Variants in DHRSX observed in about 807,000 individuals in gnomAD.
DHRSX encodes the protein dehydrogenase/reductase X-linked, also known as polyprenol dehydrogenase.
A neutral mutation model predicts 34.0 loss-of-function variants in DHRSX; 31 were observed. That is an observed-to-expected ratio of 0.91 (90% CI 0.69 to 1.23). The LOEUF (loss-of-function observed/expected upper bound fraction) is 1.23, where lower values mean the gene tolerates loss of function less well. Among genes scored for constraint, DHRSX ranks in the 50% most tolerant of loss-of-function variants. The pLI, the probability that DHRSX is intolerant of heterozygous loss-of-function variation, is 0.00. For synonymous variants in DHRSX, 201 were observed against 183.8 expected, an observed-to-expected ratio of 1.09 and a Z score of -0.76; for missense variants, 414 against 428.1, an observed-to-expected ratio of 0.97 and a Z score of 0.29.
chrX:2,349,811 G>T (rs745335376), intron 3 of DHRSX, among the ~76,000 whole-genome samples: 1 of 147,894 alleles, frequency 6.8e-6, no homozygotes, highest in Non-Finnish European at 1.5e-5. Flanking sequence ...GGAGGCCGAG[G>T]CGGGCGGATC....
At chrX:2,362,733 TTTTATCACCGTTCTATGGTATCATGCCG>T (rs1462194161) in intron 3 of DHRSX, among the ~76,000 whole-genome samples, 12 of 151,972 alleles carry the variant, frequency 7.9e-5, no homozygotes, top group Non-Finnish European at 1.5e-5. Context: ...CATGCCGCCA[TTTTATCACCGTTCTATGGTATCATGCCG>T]CCATTTTATC....
chrX:2,488,146 G>T (rs766969257), intron 1 of DHRSX: 92 of 153,956 alleles, frequency 6.0e-4, no homozygotes, highest in Middle Eastern at 6.7e-3. Context: ...CGGGAATAGG[G>T]GAGGAAAGGA....
At chrX:2,361,842 A>G (rs1278436616) in intron 3 of DHRSX, among the ~76,000 whole-genome samples, 2 of 152,214 alleles carry the variant, frequency 1.3e-5, no homozygotes, top group Non-Finnish European at 2.9e-5. Flanking sequence ...CAAATATCTA[A>G]TGAACATGCT....
chrX:2,314,906 T>C (rs1391449661), intron 3 of DHRSX, among the ~76,000 whole-genome samples: 1 of 152,008 alleles, frequency 6.6e-6, no homozygotes, highest in Non-Finnish European at 1.5e-5. Context: ...GCCTGCAATC[T>C]CAGCACCTTG....
At chrX:2,456,431 T>G (rs1695318427) in intron 1 of DHRSX, among the ~76,000 whole-genome samples, 2 of 151,792 alleles carry the variant, frequency 1.3e-5, no homozygotes, top group Admixed American at 1.3e-4. Flanking sequence ...CTGGCCAACA[T>G]GATGAAACCC....
chrX:2,304,315 G>GGATGGATGGATGGATGGATGGATGAACT (rs2124509732), intron 3 of DHRSX, among the ~76,000 whole-genome samples: 1 of 130,284 alleles, frequency 7.7e-6, no homozygotes, highest in African/African-American at 3.4e-5. Context: ...ATGGATGAAT[G>GGATGGATGGATGGATGGATGGATGAACT]GATGGATGGA....
At chrX:2,368,949 TAAATA>T (rs1247917174) in intron 3 of DHRSX, among the ~76,000 whole-genome samples, 1 of 152,054 alleles carries the variant, frequency 6.6e-6, no homozygotes, top group Non-Finnish European at 1.5e-5. Context: ...CTCAAATAAA[TAAATA>T]AAAGTAAATA....
At chrX:2,342,772 A>G (rs2042657000) in intron 3 of DHRSX, among the ~76,000 whole-genome samples, 1 of 151,736 alleles carries the variant, frequency 6.6e-6, no homozygotes, top group African/African-American at 2.4e-5. Context: ...TCCCGCCCCA[A>G]CCTCTCTAAT....
At chrX:2,223,123 T>C (rs1225874100) in intron 6 of DHRSX, among the ~76,000 whole-genome samples, 1 of 152,096 alleles carries the variant, frequency 6.6e-6, no homozygotes, top group African/African-American at 2.4e-5. Context: ...TTTGGCTGTG[T>C]CCCCACCCAA....
chrX:2,451,147 C>A (rs1479843129), intron 1 of DHRSX, among the ~76,000 whole-genome samples: 1 of 151,690 alleles, frequency 6.6e-6, no homozygotes, highest in Non-Finnish European at 1.5e-5. Context: ...GCAGGAGAAT[C>A]GCTTGAACCC....
At chrX:2,434,000 G>C (rs759652043) in intron 1 of DHRSX, among the ~76,000 whole-genome samples, 1 of 151,854 alleles carries the variant, frequency 6.6e-6, no homozygotes, top group Non-Finnish European at 1.5e-5. Context: ...GGATGGTCTC[G>C]ATCTCCTGAT....
At chrX:2,489,390 G>A in intron 1 of DHRSX, 1 of 1,613,970 alleles carries the variant, frequency 6.2e-7, no homozygotes, top group Non-Finnish European at 8.5e-7. Context: ...GCCATGCTGA[G>A]CTCCTTGGAG....
chrX:2,459,717 T>A (rs186685626), intron 1 of DHRSX, among the ~76,000 whole-genome samples: 1 of 152,146 alleles, frequency 6.6e-6, no homozygotes, highest in East Asian at 1.9e-4. Context: ...TATGACATAT[T>A]TAACGGTGTC....
intron 4 of DHRSX, among the ~76,000 whole-genome samples, chrX:2,276,733 C>CAG (rs113463536): frequency 0.025 from 3,610 of 146,404 alleles, 59 homozygotes; most frequent in South Asian, 0.044. Flanking sequence ...AAAGGGCAAT[C>CAG]AGAGAGAGAG....
In DHRSX at chrX:2,336,604, G is replaced by GTT. The variant is rs111267342; in HGVS notation, c.287-45003_287-45002dup. On this transcript the variant is annotated intron_variant, in intron 3 of 6. Transcript: ENST00000334651. ...TTCACGGTATTTTGTTTTTTGTTTT[G>GTT]TTTTTTTTTTTTGAGACGGAGTTTT... 1.8e-3 allele frequency among the ~76,000 whole-genome samples: 259 copies of GTT among 143,408 alleles called. 1 individual carries two copies. The highest frequency in any genetic ancestry group is 5.2e-3 in the African/African-American group (206 of 39,392). The allele number at this position is 143,408 out of a possible 152,430, so 94.1% of individuals were successfully genotyped here. A position where few individuals can be genotyped will look rare whatever the true frequency, so the allele number is the denominator to read the frequency against.
chrX:2,411,501 A>G (rs921781170), intron 2 of DHRSX, among the ~76,000 whole-genome samples: 9 of 149,108 alleles, frequency 6.0e-5, no homozygotes, highest in Non-Finnish European at 1.2e-4. Flanking sequence ...GTTGCCATGA[A>G]CTGAGATCAC....
chrX:2,468,564 C>T (rs866857466), intron 1 of DHRSX, among the ~76,000 whole-genome samples: 11 of 130,048 alleles, frequency 8.5e-5, no homozygotes, highest in African/African-American at 2.7e-4. Flanking sequence ...AATGCGGCCA[C>T]GGGACTACTG....
At chrX:2,317,504 G>C (rs373902392) in intron 3 of DHRSX, among the ~76,000 whole-genome samples, 1 of 151,564 alleles carries the variant, frequency 6.6e-6, no homozygotes, top group Admixed American at 6.6e-5. Flanking sequence ...CACCTGCCTC[G>C]GCCTCCCAAA....
At chrX:2,319,128 T>C (rs2042275300) in intron 3 of DHRSX, among the ~76,000 whole-genome samples, 1 of 152,216 alleles carries the variant, frequency 6.6e-6, no homozygotes. Flanking sequence ...CACAGTTGAC[T>C]GTTGGACAAC....
Sources: allele counts gnomAD v4.1 joint callset (sites outside exome capture counted in the v4.1 genomes callset), GRCh38; gene constraint gnomAD v4.1.1; transcripts MANE v1.5; gene names NCBI Gene and HGNC (gene_info 2026-07-23, HGNC 2026-07-21).